The following SLC23A1 variants were observed in gnomAD, a reference collection of about 807,000 sequenced individuals.
SLC23A1 encodes solute carrier family 23 member 1, also known as Na(+)/L-ascorbic acid transporter 1.
A neutral mutation model predicts 62.5 loss-of-function variants in SLC23A1; 31 were observed. The ratio of observed to expected loss-of-function variants is 0.50; its 90% CI spans 0.37 to 0.67. The LOEUF (loss-of-function observed/expected upper bound fraction) is 0.67. SLC23A1 is among the 30% of genes least tolerant of loss of function. The probability of loss-of-function intolerance (pLI) is 0.00; values close to 1 mark genes in which losing one functional copy is unlikely to be tolerated. For synonymous variants in SLC23A1, 271 were observed against 313.2 expected (o/e 0.87, Z 1.42); for missense variants, 640 against 782.7 (o/e 0.82, Z 2.18).
intron 4 of SLC23A1, 72 bp downstream of exon 4, chr5:139,380,726 G>T: frequency 6.8e-7 from 1 of 1,462,994 alleles, no homozygotes; most frequent in East Asian, 2.3e-5. Context: ...TGTTGACCCG[G>T]GACAGTTGCT....
At chr5:139,381,353 G>T (rs533293241) in intron 3 of SLC23A1, among the ~76,000 whole-genome samples, 27 of 152,210 alleles carry the variant, frequency 1.8e-4, no homozygotes, top group Non-Finnish European at 3.5e-4. Flanking sequence ...TTCAGAATGG[G>T]GTTTAAGAGG....
At chr5:139,371,132 G>A (rs1471241416) in intron 14 of SLC23A1, among the ~76,000 whole-genome samples, 5 of 152,156 alleles carry the variant, frequency 3.3e-5, no homozygotes, top group African/African-American at 9.7e-5. Context: ...TGTGAATCCT[G>A]TGATCATGGG....
chr5:139,383,692 G>A (rs2152074188), upstream of SLC23A1, among the ~76,000 whole-genome samples: 1 of 152,354 alleles, frequency 6.6e-6, no homozygotes, highest in Admixed American at 6.5e-5. Flanking sequence ...TCTCGTTATT[G>A]AGGAATGGCC....
In SLC23A1 at chr5:139,379,087, A is replaced by T; in HGVS notation, c.1073+120T>A. 1 of 951,898 alleles carries T rather than the reference A, an allele frequency of 1.1e-6. No individual in the cohort carries two copies. The highest frequency in any genetic ancestry group is 1.6e-6 in the Non-Finnish European group (1 of 608,406). The allele number at this position is 951,898 out of a possible 1,614,324, so 59.0% of individuals were successfully genotyped here. ...CCCCATCGCACAAACAAGGAGAATGAGGTCTGGAGCGTGTTCCCGACTTGC... is the reference window on the plus strand; with the variant it reads ...CCCCATCGCACAAACAAGGAGAATGTGGTCTGGAGCGTGTTCCCGACTTGC... On this transcript the variant is annotated intron_variant, in intron 9 of 14. Transcript: ENST00000348729. This position sits in a 1 kb window ranked among gnomAD's most constrained non-coding sequence, Gnocchi z 4.7.
In SLC23A1 at chr5:139,378,749, CT is replaced by C; in HGVS notation, c.1074-66del. On this transcript the variant is annotated intron_variant, in intron 9 of 14. Coordinates refer to ENST00000348729, the MANE Select transcript of SLC23A1 (RefSeq NM_005847.5). This position sits in a 1 kb window ranked among gnomAD's most constrained non-coding sequence, Gnocchi z 4.5. Reference sequence around the variant, plus strand: ...GCACCAGTCTGTGTTCCCCCATCATCTTAGCAAGCTGCCGTCCTCTGGGGCT... The same window carrying C: ...GCACCAGTCTGTGTTCCCCCATCATCTAGCAAGCTGCCGTCCTCTGGGGCT... The C allele has an allele frequency of 8.1e-7, 1 of 1,239,818 alleles. No individual in the cohort carries two copies. Among genetic ancestry groups the C allele is most frequent in the Non-Finnish European group, 1.2e-6 (1 of 861,868 alleles). The allele number at this position is 1,239,818 out of a possible 1,614,324, so 76.8% of individuals were successfully genotyped here.
At chr5:139,377,278 C>T (rs976787454) in intron 13 of SLC23A1, 124 bp downstream of exon 13, 2 of 667,060 alleles carry the variant, frequency 3.0e-6, no homozygotes, top group South Asian at 3.4e-5. Flanking sequence ...CCATCTATTC[C>T]TGATGCTCCC....
At chr5:139,368,700 A>G (rs1234625671) in intron 14 of SLC23A1, 2 of 1,497,296 alleles carry the variant, frequency 1.3e-6, no homozygotes, top group South Asian at 2.3e-5. Context: ...AACTGTGTTA[A>G]TGAACTTGCT....
At position 139,383,168 on chromosome 5, in the gene SLC23A1, G is replaced by GC. The variant is rs754552682; in HGVS notation, c.36+49dup. On this transcript the variant is annotated intron_variant, in intron 1 of 14. Coordinates refer to ENST00000348729, the MANE Select transcript of SLC23A1 (RefSeq NM_005847.5). ...GAAGAAGGCCTGCACAGGCCCTCCA[G>GC]CCCCCCACCCCCCCTGCCCCCCCTA... 40 of 242,724 alleles carry GC rather than the reference G, an allele frequency of 1.6e-4. 2 individuals carry two copies. In the African/African-American group the frequency reaches 4.2e-3, roughly 25 times the overall value. The allele number at this position is 242,724 out of a possible 1,614,324, so 15.0% of individuals were successfully genotyped here.
At position 139,372,092 on chromosome 5, in the gene SLC23A1, A is replaced by G. The variant is rs1454323206; in HGVS notation, c.1711T>C (p.Phe571Leu). 6.2e-7 allele frequency: 1 copy of G among 1,613,308 alleles called. No individual in the cohort carries two copies. The highest frequency in any genetic ancestry group is 1.7e-5 in the Admixed American group (1 of 60,024). ...YIPICPVFKG[F>L]SSSSKDQIAI... is the part of the protein sequence containing the mutation. ...ATCTGATCTTTTGAACTTGAAGAAA[A>G]TCCTTTGAAGACTGGGCAGATAGGA... The change falls in exon 14 of 15, where the codon TTT becomes CTT. Residue 571 changes from phenylalanine (F) to leucine (L), a missense_variant. By Grantham distance (22) the Phe-to-Leu change is conservative. Coordinates refer to ENST00000348729, the MANE Select transcript of SLC23A1 (RefSeq NM_005847.5).
chr5:139,377,916 G>A (rs1210763336), intron 12 of SLC23A1, 59 bp downstream of exon 12: 2 of 1,545,728 alleles, frequency 1.3e-6, no homozygotes, highest in Admixed American at 1.8e-5. Flanking sequence ...GAGGGAGGGG[G>A]CTGTGCTCAA....
chr5:139,376,468 G>A (rs992586762), intron 13 of SLC23A1, among the ~76,000 whole-genome samples: 2 of 152,146 alleles, frequency 1.3e-5, no homozygotes, highest in African/African-American at 2.4e-5. Context: ...ATGCTCGGCC[G>A]TGATGTTTTA....
intron 3 of SLC23A1, 124 bp downstream of exon 3, chr5:139,381,768 A>G (rs1320137196): frequency 1.3e-6 from 1 of 744,978 alleles, no homozygotes; most frequent in Non-Finnish European, 2.2e-6. Flanking sequence ...GGATAGGAGA[A>G]GCAGGTGGAG....
In SLC23A1 at chr5:139,382,737, A is replaced by G. The variant is rs376493456; in HGVS notation, c.37-132T>C. On this transcript the variant is annotated intron_variant, in intron 1 of 14. Coordinates refer to ENST00000348729, the MANE Select transcript of SLC23A1 (RefSeq NM_005847.5). ...GAGCGGGGTTCCCGCCCTCCCCAACAGTCCATCCACCCGGGTGCCACTTGG... is the reference window on the plus strand; with the variant it reads ...GAGCGGGGTTCCCGCCCTCCCCAACGGTCCATCCACCCGGGTGCCACTTGG... 9 of 635,734 alleles carry G rather than the reference A, an allele frequency of 1.4e-5. No individual in the cohort carries two copies. In the African/African-American group the frequency reaches 1.7e-4, roughly 12 times the overall value. 39.4% of individuals were successfully genotyped at this position (635,734 alleles called of 1,614,324 possible).
At chr5:139,377,904 T>G in intron 12 of SLC23A1, 71 bp downstream of exon 12, 1 of 1,483,480 alleles carries the variant, frequency 6.7e-7, no homozygotes, top group Non-Finnish European at 9.2e-7. Context: ...TGTGGAGCCT[T>G]TGAGGGAGGG....
At chr5:139,371,105 T>C (rs1297275051) in intron 14 of SLC23A1, among the ~76,000 whole-genome samples, 1 of 152,110 alleles carries the variant, frequency 6.6e-6, no homozygotes, top group African/African-American at 2.4e-5. Flanking sequence ...AAGGGAACTC[T>C]AGCCAGACTT....
At chr5:139,367,817 T>TC (rs1161087679) in intron 14 of SLC23A1, among the ~76,000 whole-genome samples, 186 bp from the exon 15 acceptor site, 6 of 152,252 alleles carry the variant, frequency 3.9e-5, no homozygotes, top group Non-Finnish European at 8.8e-5. Flanking sequence ...AATTCCTTGT[T>TC]CCGTGCTATT....
intron 14 of SLC23A1, chr5:139,369,776 A>G (rs1371035886): frequency 6.6e-6 from 1 of 152,322 alleles, no homozygotes; most frequent in Non-Finnish European, 1.5e-5. Flanking sequence ...TCACTTGAGT[A>G]TGGGCCCAGT....
intron 14 of SLC23A1, chr5:139,369,052 T>G (rs959977229): frequency 2.0e-5 from 7 of 354,948 alleles, no homozygotes; most frequent in Non-Finnish European, 3.1e-5. Flanking sequence ...AGTCAAGTTG[T>G]GAACAAGCAC....
chr5:139,382,311 C>A (rs1055082407), intron 2 of SLC23A1, 181 bp downstream of exon 2: 1 of 603,054 alleles, frequency 1.7e-6, no homozygotes, highest in Non-Finnish European at 3.0e-6. Context: ...GCGTCACACT[C>A]CCCCAGGGAG....
Sources: allele counts gnomAD v4.1 joint callset (sites outside exome capture counted in the v4.1 genomes callset), GRCh38; gene constraint gnomAD v4.1.1; non-coding constraint Gnocchi (gnomAD v3.1); transcripts MANE v1.5; gene names NCBI Gene and HGNC (gene_info 2026-07-23, HGNC 2026-07-21).